PRUNE2: variants seen among roughly 807,000 people sequenced by gnomAD.
PRUNE2 encodes the protein protein prune homolog 2.
A neutral mutation model predicts 252.0 loss-of-function variants in PRUNE2; 164 were observed. That is an observed-to-expected ratio of 0.65 (90% confidence interval 0.57 to 0.74). The LOEUF (loss-of-function observed/expected upper bound fraction) is 0.74. Ranked by LOEUF, PRUNE2 falls within the 30% of genes least tolerant of loss-of-function variation. The pLI, the probability that PRUNE2 is intolerant of heterozygous loss-of-function variation, is 0.00. For synonymous variants in PRUNE2, 1,292 were observed against 1,350.2 expected (o/e 0.96, Z 0.94); for missense variants, 3,495 against 3,711.0 (o/e 0.94, Z 1.51).
intron 2 of PRUNE2, among the ~76,000 whole-genome samples, chr9:76,852,798 G>A (rs1321180114): frequency 1.1e-5 from 1 of 90,072 alleles, no homozygotes; most frequent in African/African-American, 6.9e-5. Context: ...CTAGCCATCT[G>A]TCTGTCTGTC....
chr9:76,783,978 C>T (rs1332181368), intron 6 of PRUNE2: 1 of 152,196 alleles, frequency 6.6e-6, no homozygotes, highest in African/African-American at 2.4e-5. Flanking sequence ...TACTCACTGT[C>T]CTCCCGGAAT....
chr9:76,741,721 G>A (rs2049638760), intron 6 of PRUNE2, among the ~76,000 whole-genome samples: 1 of 152,096 alleles, frequency 6.6e-6, no homozygotes, highest in Middle Eastern at 3.2e-3. Flanking sequence ...TATCCATCAG[G>A]CTGAGAACAA....
chr9:76,721,656 TACAA>T (rs2047655482), intron 6 of PRUNE2, among the ~76,000 whole-genome samples: 1 of 152,182 alleles, frequency 6.6e-6, no homozygotes. Context: ...CAGTGAGTCT[TACAA>T]ACACAGTGTG....
chr9:76,773,563 C>A (rs1249877348), intron 6 of PRUNE2, among the ~76,000 whole-genome samples: 1 of 151,718 alleles, frequency 6.6e-6, no homozygotes, highest in African/African-American at 2.4e-5. Flanking sequence ...CCTGCCTTAG[C>A]CTCCTGAGTA....
At chr9:76,783,034 CA>C (rs1436648687) in intron 6 of PRUNE2, among the ~76,000 whole-genome samples, 3 of 152,264 alleles carry the variant, frequency 2.0e-5, no homozygotes, top group African/African-American at 7.2e-5. Flanking sequence ...TTAAAGTGCC[CA>C]AAACAGTCCA....
At chr9:76,667,699 G>A (rs2040465276) in intron 9 of PRUNE2, among the ~76,000 whole-genome samples, 1 of 152,214 alleles carries the variant, frequency 6.6e-6, no homozygotes, top group Admixed American at 6.5e-5. Flanking sequence ...CTGCTCAGCA[G>A]TTATATTTGC....
intron 6 of PRUNE2, among the ~76,000 whole-genome samples, chr9:76,776,769 C>A (rs1005220475): frequency 6.6e-6 from 1 of 151,658 alleles, no homozygotes; most frequent in African/African-American, 2.4e-5. Flanking sequence ...CCCACCTCAG[C>A]CTCCCAAAGT....
chr9:76,850,545 A>C lies in PRUNE2; in HGVS notation c.262T>G (p.Phe88Val), dbSNP rs747232663. The C allele has an allele frequency of 1.2e-6, 2 of 1,613,576 alleles. No individual in the cohort carries two copies. Among genetic ancestry groups the C allele is most frequent in the South Asian group, 2.2e-5 (2 of 91,070 alleles). The part of the protein sequence containing the change: ...ELNISESFHI[F>V]RDEINLHQLN... ...TGATGCAGGTTAATTTCATCCCGGA[A>C]TATGTGGAATGATTCGGAAATATTT... The change falls in exon 3 of 19, where the codon TTC (phenylalanine) becomes GTC (valine). Residue 88 changes from phenylalanine to valine, a missense_variant. Physicochemically the swap from Phe to Val is conservative, Grantham distance 50. Transcript: ENST00000376718.
intron 9 of PRUNE2, among the ~76,000 whole-genome samples, chr9:76,665,268 T>C (rs1434737727): frequency 2.6e-5 from 4 of 152,150 alleles, no homozygotes; most frequent in African/African-American, 4.8e-5. Context: ...ACTCCCCACT[T>C]AGCCTTGCCA....
chr9:76,626,052 G>A (rs1472095079), intron 16 of PRUNE2, among the ~76,000 whole-genome samples: 2 of 152,074 alleles, frequency 1.3e-5, no homozygotes, highest in African/African-American at 4.8e-5. Context: ...TACTAAGTAA[G>A]GTTCATTTAA....
intron 9 of PRUNE2, among the ~76,000 whole-genome samples, chr9:76,701,592 C>G (rs2045893492): frequency 6.6e-6 from 1 of 152,134 alleles, no homozygotes; most frequent in Non-Finnish European, 1.5e-5. Context: ...CTGCTACTCT[C>G]TTTCTGATAA....
At position 76,614,327 on chromosome 9, in the gene PRUNE2, T is replaced by A. The variant is rs935181426; in HGVS notation, c.*243A>T. On this transcript the variant is annotated 3_prime_UTR_variant, in exon 19 of 19. Coordinates refer to ENST00000376718, the MANE Select transcript of PRUNE2 (RefSeq NM_015225.3). Reference sequence around the variant, plus strand: ...AATGAAGTATTGAAATGGAAGGTCCTACTTTCTTGCTAAGGCTCAACTAAA... The same window carrying A: ...AATGAAGTATTGAAATGGAAGGTCCAACTTTCTTGCTAAGGCTCAACTAAA... The A allele has an allele frequency of 1.4e-5, 8 of 563,042 alleles. No homozygotes were observed. Among genetic ancestry groups the A allele is most frequent in the Non-Finnish European group, 2.2e-5 (7 of 320,388 alleles). 34.9% of individuals were successfully genotyped at this position (563,042 alleles called of 1,614,324 possible).
At chr9:76,889,107 T>A (rs886253654) in intron 1 of PRUNE2, among the ~76,000 whole-genome samples, 9 of 152,026 alleles carry the variant, frequency 5.9e-5, no homozygotes, top group African/African-American at 2.2e-4. Context: ...CACCTCAGCC[T>A]CCCAAAGTGC....
chr9:76,647,066 G>A lies in PRUNE2; in HGVS notation c.8558-2157C>T, dbSNP rs886550132. ...TAGCTGGATATGTTGGCATGTGCCT[G>A]TAGTCCCAGCTACTTGGGAAGATCA... is the stretch of plus-strand genomic sequence containing the variant. On this transcript the variant is annotated intron_variant, in intron 11 of 18. Transcript: ENST00000376718. 3.6e-4 allele frequency among the ~76,000 whole-genome samples: 55 copies of A among 152,214 alleles called. 1 individual carries two copies. Among genetic ancestry groups the A allele is most frequent in the African/African-American group, 1.2e-3 (49 of 41,556 alleles).
chr9:76,800,581 T>C (rs1311720364), intron 6 of PRUNE2, among the ~76,000 whole-genome samples: 1 of 152,200 alleles, frequency 6.6e-6, no homozygotes, highest in East Asian at 1.9e-4. Context: ...CAAAGTGCTG[T>C]TTGGTGTTTT....
intron 6 of PRUNE2, among the ~76,000 whole-genome samples, chr9:76,797,995 G>A (rs545162136): frequency 4.6e-5 from 7 of 152,196 alleles, no homozygotes; most frequent in African/African-American, 1.7e-4. Context: ...TTACCCATGT[G>A]ATAAACACAT....
chr9:76,884,941 T>C (rs2062001282), intron 1 of PRUNE2, among the ~76,000 whole-genome samples: 1 of 152,220 alleles, frequency 6.6e-6, no homozygotes, highest in African/African-American at 2.4e-5. Context: ...TTCTGGAACA[T>C]GGCACCAGCC....
intron 11 of PRUNE2, among the ~76,000 whole-genome samples, chr9:76,645,646 A>C (rs2133003884): frequency 6.6e-6 from 1 of 152,230 alleles, no homozygotes; most frequent in African/African-American, 2.4e-5. Flanking sequence ...GTGCATTTAA[A>C]AAAAAAAAGT....
chr9:76,857,139 T>C, intron 1 of PRUNE2: 1 of 455,896 alleles, frequency 2.2e-6, no homozygotes, highest in Non-Finnish European at 4.4e-6. Flanking sequence ...TCATGGCCTC[T>C]TCCAATGCCA....
Sources: gnomAD v4.1 joint callset for allele counts (sites outside exome capture counted in the v4.1 genomes callset) on GRCh38, gnomAD v4.1.1 for gene constraint, MANE v1.5 for transcripts, NCBI Gene and HGNC (gene_info 2026-07-23, HGNC 2026-07-21) for gene names.